The following FER variants were observed in gnomAD, a reference collection of about 807,000 sequenced individuals.
FER encodes the protein tyrosine-protein kinase Fer.
Under a neutral mutation model 111.0 loss-of-function variants are expected in FER, and 63 were observed. That is an observed-to-expected ratio of 0.57 (90% CI 0.46 to 0.70). The LOEUF is 0.70. Ranked by LOEUF, FER falls within the 30% of genes least tolerant of loss-of-function variation. FER has a pLI of 0.00. For synonymous variants in FER, 327 were observed against 313.9 expected, an observed-to-expected ratio of 1.04 and a Z score of -0.44; for missense variants, 914 against 954.0, an observed-to-expected ratio of 0.96 and a Z score of 0.55.
At chr5:109,066,718 T>C (rs977884995) in intron 16 of FER, among the ~76,000 whole-genome samples, 5 of 152,214 alleles carry the variant, frequency 3.3e-5, no homozygotes, top group Middle Eastern at 3.2e-3. Flanking sequence ...AAACCTGTTA[T>C]GAGATTTGGA....
rs969387553 is a variant in FER, at chr5:108,954,918, A to G, written c.1519A>G (p.Ile507Val). 2 of 1,607,828 alleles carry G rather than the reference A, an allele frequency of 1.2e-6. No homozygotes were observed. The highest frequency in any genetic ancestry group is 2.7e-5 in the African/African-American group (2 of 74,718). The part of the protein sequence containing the change: ...YSDGQRRHFI[I>V]QYVDNMYRFE... ...TGATGGACAGAGGAGACATTTTATC[A>G]TACAATATGTTGATGTACGTTTCCA... Residue 507 changes from isoleucine to valine, a missense_variant, in exon 12 of 20, where the codon ATA (isoleucine) becomes GTA (valine). Ile to Val is a conservative substitution (Grantham distance 29). Around this residue, in one of 3 missense-constraint regions of FER, gnomAD observed 774 missense variants for 782.6 expected, o/e 0.99. Transcript: ENST00000281092.
At chr5:109,098,550 A>G (rs1210517156) in intron 16 of FER, among the ~76,000 whole-genome samples, 3 of 151,756 alleles carry the variant, frequency 2.0e-5, no homozygotes, top group East Asian at 1.9e-4. Flanking sequence ...GCAGTTACAT[A>G]TATCTAACAA....
chr5:108,812,901 A>G (rs1337229201), intron 3 of FER, among the ~76,000 whole-genome samples: 1 of 145,144 alleles, frequency 6.9e-6, no homozygotes, highest in East Asian at 1.9e-4. Flanking sequence ...TTTTAATTAT[A>G]TGTGAGTTAT....
intron 17 of FER, among the ~76,000 whole-genome samples, chr5:109,132,020 A>G (rs1379677869): frequency 6.6e-6 from 1 of 152,216 alleles, no homozygotes; most frequent in African/African-American, 2.4e-5. Flanking sequence ...ATATGAGATA[A>G]ATGTACCTAA....
intron 5 of FER, among the ~76,000 whole-genome samples, chr5:108,844,474 T>C (rs1010509277): frequency 3.9e-5 from 6 of 152,198 alleles, no homozygotes; most frequent in African/African-American, 1.4e-4. Flanking sequence ...CTTTATTTTT[T>C]AACAGGTTCA....
At chr5:108,914,632 G>A (rs1002241989) in intron 10 of FER, among the ~76,000 whole-genome samples, 3 of 152,172 alleles carry the variant, frequency 2.0e-5, no homozygotes, top group South Asian at 4.1e-4. Flanking sequence ...GGGGCTTGAG[G>A]AATGCAGGAG....
At chr5:108,976,890 C>A (rs1311531081) in intron 13 of FER, among the ~76,000 whole-genome samples, 1 of 152,146 alleles carries the variant, frequency 6.6e-6, no homozygotes, top group Non-Finnish European at 1.5e-5. Context: ...AATATTATGA[C>A]TTTTCTCTGC....
intron 13 of FER, among the ~76,000 whole-genome samples, chr5:109,013,667 A>G (rs1766627252): frequency 6.6e-6 from 1 of 151,802 alleles, no homozygotes; most frequent in East Asian, 1.9e-4. Flanking sequence ...TGACTTCCAC[A>G]ATGGTTGAAC....
intron 10 of FER, among the ~76,000 whole-genome samples, chr5:108,941,538 G>T (rs72787096): frequency 6.6e-6 from 1 of 152,096 alleles, no homozygotes; most frequent in African/African-American, 2.4e-5. Flanking sequence ...TTGTCTCACA[G>T]TTTATTAGTT....
At chr5:108,759,872 A>T (rs1322400969) in intron 1 of FER, among the ~76,000 whole-genome samples, 1 of 152,226 alleles carries the variant, frequency 6.6e-6, no homozygotes. Flanking sequence ...TTTTCAATAC[A>T]TGAATTATGG....
At chr5:109,000,003 T>C (rs76128495) in intron 13 of FER, among the ~76,000 whole-genome samples, 8,995 of 151,658 alleles carry the variant, frequency 0.059, 402 homozygotes, top group South Asian at 0.12. Context: ...TCTGAAAGTA[T>C]TTATTTTGTT....
chr5:108,776,472 T>C (rs917373100), intron 2 of FER, among the ~76,000 whole-genome samples: 87 of 152,282 alleles, frequency 5.7e-4, no homozygotes, highest in African/African-American at 2.1e-3. Flanking sequence ...ATCTTTGTAC[T>C]TGGAGAATGT....
intron 17 of FER, among the ~76,000 whole-genome samples, chr5:109,169,833 A>C (rs1275267334): frequency 1.3e-5 from 2 of 152,148 alleles, no homozygotes; most frequent in Admixed American, 1.3e-4. Flanking sequence ...GGTTGGGAGA[A>C]TTTAGGGGAC....
chr5:109,139,858 C>G (rs1368589090), intron 17 of FER, among the ~76,000 whole-genome samples: 8 of 149,908 alleles, frequency 5.3e-5, no homozygotes, highest in African/African-American at 2.0e-4. Context: ...AGCCAGTTAG[C>G]TGACAGGATC....
intron 13 of FER, among the ~76,000 whole-genome samples, chr5:108,987,126 C>A (rs62377121): frequency 0.085 from 12,869 of 152,048 alleles, 737 homozygotes; most frequent in Non-Finnish European, 0.12. Flanking sequence ...TTTCTTTCAG[C>A]AGTGTTTTAG....
chr5:108,865,881 A>C (rs533799092), intron 5 of FER, among the ~76,000 whole-genome samples: 1 of 152,196 alleles, frequency 6.6e-6, no homozygotes, highest in Non-Finnish European at 1.5e-5. Context: ...CAAAACCACA[A>C]TGAGATACCA....
intron 17 of FER, among the ~76,000 whole-genome samples, chr5:109,153,754 A>T (rs12153583): frequency 0.012 from 1,807 of 151,988 alleles, 18 homozygotes; most frequent in Non-Finnish European, 0.02. Context: ...AGTGATGTAT[A>T]GCTAGTAATA....
At chr5:109,096,013 G>A (rs1387925991) in intron 16 of FER, among the ~76,000 whole-genome samples, 1 of 151,994 alleles carries the variant, frequency 6.6e-6, no homozygotes, top group East Asian at 1.9e-4. Flanking sequence ...ATGACAAGAA[G>A]TCATTAGTGG....
At chr5:109,059,956 A>T (rs1477901655) in intron 16 of FER, among the ~76,000 whole-genome samples, 1 of 152,216 alleles carries the variant, frequency 6.6e-6, no homozygotes, top group African/African-American at 2.4e-5. Context: ...TGAATAACCA[A>T]TATTTAGTAT....
Sources: allele counts gnomAD v4.1 joint callset (sites outside exome capture counted in the v4.1 genomes callset), GRCh38; gene constraint gnomAD v4.1.1; regional missense constraint gnomAD v4.1.1; transcripts MANE v1.5; gene names NCBI Gene and HGNC (gene_info 2026-07-23, HGNC 2026-07-21).